Variants in VGLL3 observed in about 807,000 individuals in gnomAD.
VGLL3 encodes the protein transcription cofactor vestigial-like protein 3.
A neutral mutation model predicts 29.2 loss-of-function variants in VGLL3; 18 were observed. The observed-to-expected ratio is 0.62, with a 90% CI of 0.43 to 0.91. VGLL3 has a LOEUF of 0.91. VGLL3 is among the 40% of genes least tolerant of loss of function. The pLI is 0.00. For missense variants in VGLL3, 440 were observed against 413.2 expected (o/e 1.06, Z -0.56); for synonymous variants, 180 against 151.8 (o/e 1.19, Z -1.36).
chr3:86,978,228 C>T (rs1488690598), intron 2 of VGLL3, among the ~76,000 whole-genome samples: 1 of 152,120 alleles, frequency 6.6e-6, no homozygotes, highest in South Asian at 2.1e-4. Flanking sequence ...CAAATTGGGC[C>T]ACTGGGGCTT....
intron 2 of VGLL3, among the ~76,000 whole-genome samples, chr3:86,970,212 TTATACACGACCTAC>T (rs1286090246): frequency 6.6e-6 from 1 of 152,094 alleles, no homozygotes; most frequent in Non-Finnish European, 1.5e-5. Context: ...AATAACACAT[TTATACACGACCTAC>T]TATGTATCAA....
Position 86,950,475 on chromosome 3 carries a change from A to C in VGLL3, c.938-3408T>G, listed in dbSNP as rs111739093. 5.0e-3 allele frequency among the ~76,000 whole-genome samples: 763 copies of C among 152,344 alleles called. 6 individuals carry two copies. Among genetic ancestry groups the C allele is most frequent in the African/African-American group, 0.017 (727 of 41,580 alleles). ...GTCTGATGTCAGAGTCAATGGTCTT[A>C]ACCACAATATACGTGTTCACATTAT... On this transcript the variant is annotated intron_variant, in intron 3 of 3. Coordinates refer to ENST00000398399, the MANE Select transcript of VGLL3 (RefSeq NM_016206.4).
intron 3 of VGLL3, among the ~76,000 whole-genome samples, chr3:86,955,547 G>A (rs994122035): frequency 3.3e-5 from 5 of 151,838 alleles, no homozygotes; most frequent in African/African-American, 7.3e-5. Context: ...GTGCCACCCC[G>A]CCTGGCTAAT....
At chr3:86,963,543 C>T (rs1261291734) in intron 3 of VGLL3, among the ~76,000 whole-genome samples, 1 of 152,094 alleles carries the variant, frequency 6.6e-6, no homozygotes, top group Non-Finnish European at 1.5e-5. Context: ...TAAGACCAAT[C>T]AGTTATACTT....
At chr3:86,953,006 G>A (rs1421372471) in intron 3 of VGLL3, among the ~76,000 whole-genome samples, 2 of 152,126 alleles carry the variant, frequency 1.3e-5, no homozygotes, top group African/African-American at 2.4e-5. Flanking sequence ...CTGTGTAGGG[G>A]TAGGACCTTA....
rs1704462782 is a variant in VGLL3 at position 86,944,385 on chromosome 3, A to G, written c.*2639T>C. On this transcript the variant is annotated 3_prime_UTR_variant, in exon 4 of 4. Transcript: ENST00000398399. ...CTCAGCCTCCAGAGTAGCTGGGACA[A>G]CAGGTGTGCCCCACAATGCCCAGGT... 1 of 152,512 alleles carries G rather than the reference A, an allele frequency of 6.6e-6. No homozygotes were observed. Among genetic ancestry groups the G allele is most frequent in the African/African-American group, 2.4e-5 (1 of 41,468 alleles). 9.4% of individuals were successfully genotyped at this position (152,512 alleles called of 1,614,324 possible).
At chr3:86,974,783 C>T (rs1201771858) in intron 2 of VGLL3, among the ~76,000 whole-genome samples, 1 of 152,150 alleles carries the variant, frequency 6.6e-6, no homozygotes, top group Non-Finnish European at 1.5e-5. Flanking sequence ...ACTCGGTCAG[C>T]AGTTCCTTTC....
chr3:86,968,099 T>A (rs1046529578), intron 3 of VGLL3, among the ~76,000 whole-genome samples: 1 of 151,948 alleles, frequency 6.6e-6, no homozygotes, highest in Non-Finnish European at 1.5e-5. Context: ...AAGAAAAAAA[T>A]CATTCTTTTA....
At chr3:86,988,402 T>C (rs1342969979) in intron 1 of VGLL3, among the ~76,000 whole-genome samples, 3 of 151,628 alleles carry the variant, frequency 2.0e-5, no homozygotes, top group East Asian at 1.9e-4. Flanking sequence ...AACCAAAATA[T>C]GTATTCTCGG....
In VGLL3 at chr3:86,943,922, A is replaced by G. The variant is rs1340381840; in HGVS notation, c.*3102T>C. On this transcript the variant is annotated 3_prime_UTR_variant, in exon 4 of 4. Transcript: ENST00000398399. Reference sequence around the variant, plus strand: ...AATAAAATCTGATTTGTAAAATCAGACAAAAGTCACCTTTGTCTAAAGGTG... The same window carrying G: ...AATAAAATCTGATTTGTAAAATCAGGCAAAAGTCACCTTTGTCTAAAGGTG... 6.6e-6 allele frequency: 1 copy of G among 152,124 alleles called. No individual in the cohort carries two copies. The highest frequency in any genetic ancestry group is 1.5e-5 in the Non-Finnish European group (1 of 68,038). 9.4% of individuals were successfully genotyped at this position (152,124 alleles called of 1,614,324 possible).
chr3:86,938,091 C>A lies in VGLL3; in HGVS notation c.*8933G>T, dbSNP rs1210809129. On this transcript the variant is annotated 3_prime_UTR_variant, in exon 4 of 4. Transcript: ENST00000398399. ...CTGAAGTTATCAAAGTATGATTTTT[C>A]TTTATTTCTGTTGACTCTAATCTTT... 6.6e-6 allele frequency: 1 copy of A among 152,094 alleles called. No individual in the cohort carries two copies. The highest frequency in any genetic ancestry group is 2.4e-5 in the African/African-American group (1 of 41,418). 9.4% of individuals were successfully genotyped at this position (152,094 alleles called of 1,614,324 possible).
At chr3:86,971,948 T>A (rs997163645) in intron 2 of VGLL3, among the ~76,000 whole-genome samples, 2 of 152,180 alleles carry the variant, frequency 1.3e-5, no homozygotes, top group Admixed American at 6.5e-5. Flanking sequence ...AATCCTATTA[T>A]GAAAACCGTT....
chr3:86,988,707 A>ATTTTG (rs2107081478), intron 1 of VGLL3, among the ~76,000 whole-genome samples: 1 of 138,828 alleles, frequency 7.2e-6, no homozygotes, highest in African/African-American at 2.6e-5. Context: ...AGGAGAAGAA[A>ATTTTG]AAGAAGAAAA....
intron 3 of VGLL3, among the ~76,000 whole-genome samples, chr3:86,950,269 G>A (rs984672155): frequency 6.6e-6 from 1 of 152,128 alleles, no homozygotes; most frequent in Admixed American, 6.6e-5. Flanking sequence ...TAAAAATGAA[G>A]TGACCTAACA....
At chr3:86,970,483 G>GCACGCACACACACACACA (rs71619522) in intron 2 of VGLL3, among the ~76,000 whole-genome samples, 4 of 141,200 alleles carry the variant, frequency 2.8e-5, no homozygotes, top group Non-Finnish European at 4.6e-5. Context: ...TTACACACAC[G>GCACGCACACACACACACA]CACACACACA....
At chr3:86,973,301 T>A (rs1017106774) in intron 2 of VGLL3, among the ~76,000 whole-genome samples, 3 of 152,212 alleles carry the variant, frequency 2.0e-5, no homozygotes, top group Admixed American at 1.3e-4. Flanking sequence ...AATATGATTA[T>A]TAAATGCTAA....
At chr3:86,963,115 C>G (rs1363034312) in intron 3 of VGLL3, 1 of 169,296 alleles carries the variant, frequency 5.9e-6, no homozygotes, top group Non-Finnish European at 1.3e-5. Context: ...CAAAACAAAA[C>G]CTTGCACATG....
At chr3:86,969,850 A>G (rs1489216804) in intron 2 of VGLL3, among the ~76,000 whole-genome samples, 1 of 152,008 alleles carries the variant, frequency 6.6e-6, no homozygotes, top group Non-Finnish European at 1.5e-5. Flanking sequence ...TTCCAGGCCT[A>G]TGGGGTAGTT....
chr3:86,949,799 C>A (rs1257942604), intron 3 of VGLL3, among the ~76,000 whole-genome samples: 22 of 147,966 alleles, frequency 1.5e-4, no homozygotes, highest in Middle Eastern at 3.4e-3. Context: ...TGCACTCCAG[C>A]CTGGGTGACA....
Sources: gnomAD v4.1 joint callset for allele counts (sites outside exome capture counted in the v4.1 genomes callset) on GRCh38, gnomAD v4.1.1 for gene constraint, MANE v1.5 for transcripts, NCBI Gene and HGNC (gene_info 2026-07-23, HGNC 2026-07-21) for gene names.